RBFOX1: variants seen among roughly 807,000 people sequenced by gnomAD.
RBFOX1 encodes RNA binding fox-1 homolog 1.
A neutral mutation model predicts 57.7 loss-of-function variants in RBFOX1; 8 were observed. That is an observed-to-expected ratio of 0.14 (90% CI 0.08 to 0.25). The LOEUF is 0.25. Among genes scored for constraint, RBFOX1 ranks in the 10% least tolerant of loss-of-function variants. The pLI is 1.00. For missense variants in RBFOX1, 611 were observed against 548.5 expected (o/e 1.11, Z -1.14); for synonymous variants, 326 against 222.4 (o/e 1.47, Z -4.15).
At chr16:7,286,304 G>A (rs575661779) in intron 4 of RBFOX1, among the ~76,000 whole-genome samples, 1 of 152,210 alleles carries the variant, frequency 6.6e-6, no homozygotes, top group South Asian at 2.1e-4. Context: ...TCCACCTTCA[G>A]CATCATACAA....
intron 2 of RBFOX1, among the ~76,000 whole-genome samples, chr16:6,606,565 G>A (rs1326358691): frequency 6.6e-6 from 1 of 152,004 alleles, no homozygotes; most frequent in Non-Finnish European, 1.5e-5. Flanking sequence ...CCCTCCCTGT[G>A]TCCATGTGTT....
At chr16:5,349,158 G>A (rs1567369140) in intron 1 of RBFOX1, among the ~76,000 whole-genome samples, 2 of 152,148 alleles carry the variant, frequency 1.3e-5, no homozygotes, top group Non-Finnish European at 2.9e-5. Flanking sequence ...TGAACCTGAA[G>A]GACATTATGC....
intron 1 of RBFOX1, among the ~76,000 whole-genome samples, chr16:5,440,404 G>T (rs912840837): frequency 6.6e-6 from 1 of 152,106 alleles, no homozygotes; most frequent in South Asian, 2.1e-4. Flanking sequence ...TAAAGCTATG[G>T]GTTATCTTTT....
At chr16:5,285,165 G>A (rs1567279766) in intron 1 of RBFOX1, among the ~76,000 whole-genome samples, 2 of 151,686 alleles carry the variant, frequency 1.3e-5, no homozygotes, top group African/African-American at 2.4e-5. Flanking sequence ...CTTTCTTTTT[G>A]TCTGACTGGA....
intron 4 of RBFOX1, among the ~76,000 whole-genome samples, chr16:5,962,902 C>T (rs1172404399): frequency 6.8e-6 from 1 of 146,994 alleles, no homozygotes; most frequent in East Asian, 2.0e-4. Flanking sequence ...TATGATAGGG[C>T]TTATCTTTGG....
At chr16:7,590,909 T>G (rs1291032595) in intron 7 of RBFOX1, among the ~76,000 whole-genome samples, 1 of 148,746 alleles carries the variant, frequency 6.7e-6, no homozygotes, top group Non-Finnish European at 1.5e-5. Flanking sequence ...TTTGATTCAG[T>G]AGATATCAGT....
Position 6,868,778 on chromosome 16 carries a change from C to T in RBFOX1, c.-15-183279C>T, listed in dbSNP as rs145780528. Among the ~76,000 whole-genome samples, 52 of 152,192 alleles carry T rather than the reference C, an allele frequency of 3.4e-4. No homozygotes were observed. The East Asian group carries it at 9.7e-3, about 28-fold the overall frequency. ...GAGCCATTGCACCCGGCCAGTATTT[C>T]TTAAAGATAGGTAATAAGGTTGCAT... is the stretch of plus-strand genomic sequence containing the variant. On this transcript the variant is annotated intron_variant, in intron 3 of 15. Coordinates refer to ENST00000550418, the MANE Select transcript of RBFOX1 (RefSeq NM_018723.4).
chr16:6,690,327 C>T (rs951872796), intron 3 of RBFOX1, among the ~76,000 whole-genome samples: 1 of 152,008 alleles, frequency 6.6e-6, no homozygotes, highest in Non-Finnish European at 1.5e-5. Flanking sequence ...AGAGTGATAA[C>T]ATCACCTATG....
intron 1 of RBFOX1, among the ~76,000 whole-genome samples, chr16:6,209,503 G>A (rs1412922294): frequency 6.6e-6 from 1 of 152,286 alleles, no homozygotes; most frequent in East Asian, 1.9e-4. Flanking sequence ...CCGGTATCAG[G>A]GGCCAAGGCC....
chr16:5,516,588 G>A (rs748159154), intron 2 of RBFOX1, among the ~76,000 whole-genome samples: 36 of 152,046 alleles, frequency 2.4e-4, no homozygotes, highest in Non-Finnish European at 4.6e-4. Flanking sequence ...ATTATAGTAG[G>A]CCCTCAATAA....
intron 1 of RBFOX1, among the ~76,000 whole-genome samples, chr16:6,163,215 C>A (rs894657808): frequency 1.3e-5 from 2 of 152,138 alleles, no homozygotes; most frequent in African/African-American, 4.8e-5. Context: ...GGGATAAGGC[C>A]AAGGGGACTC....
At chr16:6,817,684 C>T (rs955333374) in intron 3 of RBFOX1, among the ~76,000 whole-genome samples, 1 of 151,466 alleles carries the variant, frequency 6.6e-6, no homozygotes, top group African/African-American at 2.4e-5. Flanking sequence ...GCCTGGGCGA[C>T]AGAGCCAAAC....
At chr16:7,349,054 GA>G (rs961958169) in intron 4 of RBFOX1, among the ~76,000 whole-genome samples, 1 of 152,180 alleles carries the variant, frequency 6.6e-6, no homozygotes, top group Non-Finnish European at 1.5e-5. Flanking sequence ...TGGGGACATT[GA>G]AAAATGTGCT....
chr16:6,080,200 T>C (rs116466821), intron 1 of RBFOX1, among the ~76,000 whole-genome samples: 1 of 152,262 alleles, frequency 6.6e-6, no homozygotes, highest in African/African-American at 2.4e-5. Context: ...CAATCTTCCC[T>C]TGGCGCTGAT....
At position 5,657,032 on chromosome 16, in the gene RBFOX1, T is replaced by C. The variant is rs1470448541; in HGVS notation, c.318+58071T>C. Among the ~76,000 whole-genome samples the C allele has an allele frequency of 4.6e-5, 7 of 152,186 alleles. No individual in the cohort carries two copies. The East Asian group carries it at 1.2e-3, about 25-fold the overall frequency. ...GGTTGATGGGTGCAGCAGACCAACATGGCACATGTATACCTGTGTAACAGA... is the reference window on the plus strand; with the variant it reads ...GGTTGATGGGTGCAGCAGACCAACACGGCACATGTATACCTGTGTAACAGA... On this transcript the variant is annotated intron_variant, in intron 3 of 19. Coordinates refer to the RBFOX1 transcript ENST00000641259.
chr16:7,324,266 G>C (rs1044116821), intron 4 of RBFOX1, among the ~76,000 whole-genome samples: 5 of 152,098 alleles, frequency 3.3e-5, no homozygotes, highest in African/African-American at 1.2e-4. Context: ...AAGCTCAGGT[G>C]GTTCAGCCAG....
intron 2 of RBFOX1, among the ~76,000 whole-genome samples, chr16:6,634,708 T>C (rs1375230282): frequency 6.9e-6 from 1 of 143,952 alleles, no homozygotes; most frequent in Non-Finnish European, 1.5e-5. Context: ...TACATATTTG[T>C]ATTAAATATA....
At chr16:6,938,166 A>T (rs1249565103) in intron 3 of RBFOX1, among the ~76,000 whole-genome samples, 4 of 152,184 alleles carry the variant, frequency 2.6e-5, no homozygotes, top group East Asian at 1.9e-4. Flanking sequence ...TTTAAAAACA[A>T]ATTTCTGGAT....
intron 14 of RBFOX1, among the ~76,000 whole-genome samples, chr16:7,694,518 A>C (rs934631382): frequency 6.6e-6 from 1 of 152,206 alleles, no homozygotes; most frequent in South Asian, 2.1e-4. Flanking sequence ...GGTGAGTTCA[A>C]GAGGTATGCA....
Sources: allele counts gnomAD v4.1 joint callset (sites outside exome capture counted in the v4.1 genomes callset), GRCh38; gene constraint gnomAD v4.1.1; transcripts MANE v1.5; gene names NCBI Gene and HGNC (gene_info 2026-07-23, HGNC 2026-07-21).